ACYP2: variants seen among roughly 807,000 people sequenced by gnomAD.
The protein encoded by ACYP2 is acylphosphatase-2.
In ACYP2, 12 loss-of-function variants were observed where a neutral mutation model predicts 11.2. The ratio of observed to expected loss-of-function variants is 1.08; its 90% CI spans 0.69 to 1.74. The LOEUF (loss-of-function observed/expected upper bound fraction) is 1.74, where lower values mean the gene tolerates loss of function less well. Ranked by LOEUF, ACYP2 falls within the 40% of genes most tolerant of loss-of-function variation. The pLI is 0.00. For synonymous variants in ACYP2, 43 were observed against 32.2 expected (o/e 1.33, Z -1.13); for missense variants, 134 against 101.9 (o/e 1.31, Z -1.35).
At chr2:54,212,776 A>G (rs1426115196) in intron 6 of ACYP2, among the ~76,000 whole-genome samples, 2 of 152,174 alleles carry the variant, frequency 1.3e-5, no homozygotes, top group African/African-American at 4.8e-5. Flanking sequence ...CGTTTATTTC[A>G]TTTTGACAAA....
At chr2:54,301,832 G>A (rs139451360) in intron 6 of ACYP2, among the ~76,000 whole-genome samples, 21 of 152,270 alleles carry the variant, frequency 1.4e-4, no homozygotes, top group Non-Finnish European at 2.4e-4. Context: ...AACAGCACTT[G>A]AGAGTCAGGT....
At chr2:54,056,707 G>A (rs368405755) in intron 3 of ACYP2, among the ~76,000 whole-genome samples, 1 of 151,930 alleles carries the variant, frequency 6.6e-6, no homozygotes, top group Non-Finnish European at 1.5e-5. Flanking sequence ...TTTTTATTCA[G>A]AAAATAGTAA....
At chr2:54,182,317 C>T (rs1273658108) in intron 6 of ACYP2, among the ~76,000 whole-genome samples, 1 of 151,954 alleles carries the variant, frequency 6.6e-6, no homozygotes, top group Non-Finnish European at 1.5e-5. Context: ...CTCAGCCTCC[C>T]AAAGTGCTGG....
intron 2 of ACYP2, among the ~76,000 whole-genome samples, chr2:54,005,647 T>C (rs1673028112): frequency 6.6e-6 from 1 of 152,166 alleles, no homozygotes; most frequent in Non-Finnish European, 1.5e-5. Context: ...CCTGAAGGCC[T>C]ATGGTTTCTC....
In ACYP2 at chr2:54,254,216, G is replaced by GAGGTCTTTTGGAAGAGGAAC. The variant is rs1233490919; in HGVS notation, c.405-50461_405-50442dup. The GAGGTCTTTTGGAAGAGGAAC allele has an allele frequency of 3.9e-5, 6 of 152,466 alleles. No homozygotes were observed. The East Asian group carries it at 9.6e-4, about 24-fold the overall frequency. 9.4% of individuals were successfully genotyped at this position (152,466 alleles called of 1,614,324 possible). A position where few individuals can be genotyped will look rare whatever the true frequency, so the allele number is the denominator to read the frequency against. On this transcript the variant is annotated intron_variant, in intron 6 of 6. Transcript: ENST00000607452. ...GTGATGAGGGTGGTGGTGGTAAAGAGAGGTCTTTTGGAAGAGGAACAGGTC... is the reference window on the plus strand; with the variant it reads ...GTGATGAGGGTGGTGGTGGTAAAGAGAGGTCTTTTGGAAGAGGAACAGGTCTTTTGGAAGAGGAACAGGTC...
At chr2:54,295,337 G>T (rs971193543) in intron 6 of ACYP2, among the ~76,000 whole-genome samples, 3 of 152,208 alleles carry the variant, frequency 2.0e-5, no homozygotes, top group Non-Finnish European at 4.4e-5. Flanking sequence ...TATAGTCATT[G>T]CTTGTGTTCT....
In ACYP2 at chr2:54,140,765, T is replaced by G. The variant is rs543834365; in HGVS notation, c.404+2017T>G. On this transcript the variant is annotated intron_variant, in intron 6 of 6. Coordinates refer to ENST00000607452, the MANE Select transcript of ACYP2 (RefSeq NM_001320586.2). ...TATTACCTTATTGCTGGAAATGCAT[T>G]TTTTTCTGTCTTGTTTTTTGCAATA... Among the ~76,000 whole-genome samples, 3 of 152,308 alleles carry G rather than the reference T, an allele frequency of 2.0e-5. No individual in the cohort carries two copies. The South Asian group carries it at 6.2e-4, about 32-fold the overall frequency.
At chr2:54,037,427 T>C (rs1363848049) in intron 2 of ACYP2, among the ~76,000 whole-genome samples, 1 of 152,190 alleles carries the variant, frequency 6.6e-6, no homozygotes, top group African/African-American at 2.4e-5. Context: ...TTTTGTTTTT[T>C]TGAGACAGAG....
intron 6 of ACYP2, among the ~76,000 whole-genome samples, chr2:54,229,769 CCAAA>C (rs1193688049): frequency 9.2e-5 from 14 of 152,106 alleles, no homozygotes; most frequent in Admixed American, 2.6e-4. Context: ...TAAGAGTCCC[CCAAA>C]CAGTTTTTTA....
intron 2 of ACYP2, chr2:53,975,203 G>A (rs1179952975): frequency 1.6e-5 from 6 of 384,602 alleles, no homozygotes; most frequent in Non-Finnish European, 2.7e-5. Flanking sequence ...CCAACCTGGC[G>A]ACAGAGCGAG....
intron 6 of ACYP2, among the ~76,000 whole-genome samples, chr2:54,194,786 G>A (rs1239189990): frequency 6.6e-6 from 1 of 152,100 alleles, no homozygotes; most frequent in Admixed American, 6.6e-5. Context: ...ATTTAGGTTA[G>A]GAATGAACTG....
chr2:54,202,196 C>A (rs1684865851), intron 6 of ACYP2, among the ~76,000 whole-genome samples: 1 of 152,150 alleles, frequency 6.6e-6, no homozygotes, highest in Non-Finnish European at 1.5e-5. Flanking sequence ...TCACTCTCCG[C>A]CTCCCAGGTT....
At chr2:54,275,600 G>A (rs1688522380) in intron 6 of ACYP2, among the ~76,000 whole-genome samples, 1 of 152,152 alleles carries the variant, frequency 6.6e-6, no homozygotes, top group African/African-American at 2.4e-5. Flanking sequence ...GCTCTCCTAG[G>A]GATGTGCTTC....
chr2:54,159,586 G>A lies in ACYP2; in HGVS notation c.404+20838G>A, dbSNP rs540471608. On this transcript the variant is annotated intron_variant, in intron 6 of 6. Transcript: ENST00000607452. ...AAATGTTTATTATGTGTATTTCGACGTCCCTCTGCTAGGTGCTAAGGGGCA... is the reference window on the plus strand; with the variant it reads ...AAATGTTTATTATGTGTATTTCGACATCCCTCTGCTAGGTGCTAAGGGGCA... Among the ~76,000 whole-genome samples the A allele has an allele frequency of 5.3e-5, 8 of 152,110 alleles. No individual in the cohort carries two copies. In the South Asian group the frequency reaches 6.2e-4, roughly 12 times the overall value.
At chr2:54,200,540 T>C (rs746810799) in intron 6 of ACYP2, among the ~76,000 whole-genome samples, 2 of 152,218 alleles carry the variant, frequency 1.3e-5, no homozygotes, top group Non-Finnish European at 2.9e-5. Context: ...GTCTGGCTTC[T>C]TTCACTGAGG....
At chr2:54,292,672 ACACACACAC>A (rs1689359979) in intron 6 of ACYP2, among the ~76,000 whole-genome samples, 1 of 96 alleles carries the variant, frequency 0.01, no homozygotes, top group Non-Finnish European at 0.022. Flanking sequence ...ATATGTATAC[ACACACACAC>A]ACACACACAC....
intron 6 of ACYP2, among the ~76,000 whole-genome samples, chr2:54,171,790 A>G (rs924695732): frequency 2.6e-5 from 4 of 152,168 alleles, no homozygotes; most frequent in Non-Finnish European, 4.4e-5. Flanking sequence ...TTAGGAAACA[A>G]GTTAAAAACG....
At chr2:54,148,444 T>C (rs576664704) in intron 6 of ACYP2, among the ~76,000 whole-genome samples, 1 of 152,328 alleles carries the variant, frequency 6.6e-6, no homozygotes, top group Non-Finnish European at 1.5e-5. Flanking sequence ...AAGCACTTAG[T>C]GCAGTGCCTG....
chr2:54,193,154 T>C (rs932479596), intron 6 of ACYP2, among the ~76,000 whole-genome samples: 1 of 152,230 alleles, frequency 6.6e-6, no homozygotes. Context: ...TTAAGACTTA[T>C]TGAAGTGTTA....
Sources: allele counts gnomAD v4.1 joint callset (sites outside exome capture counted in the v4.1 genomes callset), GRCh38; gene constraint gnomAD v4.1.1; transcripts MANE v1.5; gene names NCBI Gene and HGNC (gene_info 2026-07-23, HGNC 2026-07-21).